The following PDCD6IP variants were observed in gnomAD, a reference collection of about 807,000 sequenced individuals.
The protein encoded by PDCD6IP is programmed cell death 6 interacting protein, also known as programmed cell death 6-interacting protein.
PDCD6IP carries 43 observed loss-of-function variants against 103.7 expected under a neutral mutation model. The observed-to-expected ratio is 0.41, with a 90% CI of 0.32 to 0.53. The LOEUF (loss-of-function observed/expected upper bound fraction) is 0.53. Among genes scored for constraint, PDCD6IP ranks in the 20% least tolerant of loss-of-function variants. PDCD6IP has a pLI of 0.16. For missense variants in PDCD6IP, 871 were observed against 1,036.7 expected (o/e 0.84, Z 2.20); for synonymous variants, 354 against 378.7 (o/e 0.93, Z 0.76).
intron 1 of PDCD6IP, among the ~76,000 whole-genome samples, chr3:33,809,210 A>C (rs2125544490): frequency 6.6e-6 from 1 of 152,230 alleles, no homozygotes; most frequent in East Asian, 1.9e-4. Context: ...TCCCCTCTAA[A>C]AGCTTCACAA....
chr3:33,831,782 A>ACG (rs397973195), intron 7 of PDCD6IP, among the ~76,000 whole-genome samples: 1 of 151,930 alleles, frequency 6.6e-6, no homozygotes, highest in East Asian at 1.9e-4. Flanking sequence ...ACACACACAC[A>ACG]TTGCACATTC....
chr3:33,857,538 T>G (rs1359989139), intron 15 of PDCD6IP, among the ~76,000 whole-genome samples: 1 of 152,184 alleles, frequency 6.6e-6, no homozygotes. Context: ...ACAGACCAGT[T>G]TCAGTTATGA....
intron 5 of PDCD6IP, 105 bp from the exon 6 acceptor site, chr3:33,826,375 G>C (rs1697123716): frequency 7.1e-6 from 5 of 708,200 alleles, no homozygotes; most frequent in Non-Finnish European, 1.1e-5. Context: ...CATCAAGAAA[G>C]ATGTTTTCAG....
At chr3:33,865,187 A>G in intron 16 of PDCD6IP, 56 bp from the exon 17 acceptor site, 20 of 1,223,216 alleles carry the variant, frequency 1.6e-5, no homozygotes, top group Admixed American at 2.9e-5. Flanking sequence ...TTTAATTAAT[A>G]GCAATTTGAG....
At chr3:33,807,035 A>G (rs1696614165) in intron 1 of PDCD6IP, among the ~76,000 whole-genome samples, 1 of 152,210 alleles carries the variant, frequency 6.6e-6, no homozygotes, top group South Asian at 2.1e-4. Context: ...TTTTACTTTG[A>G]GGGTTTCATC....
At chr3:33,863,893 A>G in intron 15 of PDCD6IP, 113 bp from the exon 16 acceptor site, 1 of 709,064 alleles carries the variant, frequency 1.4e-6, no homozygotes, top group South Asian at 1.8e-5. Context: ...AAATACCATC[A>G]TTGTTTGGAA....
intron 1 of PDCD6IP, among the ~76,000 whole-genome samples, chr3:33,802,403 T>A (rs992657923): frequency 6.6e-6 from 1 of 152,184 alleles, no homozygotes; most frequent in African/African-American, 2.4e-5. Flanking sequence ...CTGATAATGA[T>A]GTAGTCAATT....
chr3:33,864,539 C>G (rs1434512242), intron 16 of PDCD6IP, among the ~76,000 whole-genome samples: 1 of 152,032 alleles, frequency 6.6e-6, no homozygotes, highest in Non-Finnish European at 1.5e-5. Context: ...TCCTTATAAT[C>G]AAATGCAGTA....
intron 7 of PDCD6IP, among the ~76,000 whole-genome samples, chr3:33,831,730 T>A (rs1697249072): frequency 6.6e-6 from 1 of 151,562 alleles, no homozygotes; most frequent in South Asian, 2.1e-4. Context: ...TTTTTTTTCT[T>A]TCTTTGAAAT....
intron 4 of PDCD6IP, among the ~76,000 whole-genome samples, chr3:33,823,480 A>C (rs1437807858): frequency 6.6e-6 from 1 of 152,204 alleles, no homozygotes; most frequent in African/African-American, 2.4e-5. Context: ...ATACATGGCA[A>C]ATATTTTAAA....
At chr3:33,855,597 G>A (rs1044468092) in intron 15 of PDCD6IP, among the ~76,000 whole-genome samples, 1 of 152,170 alleles carries the variant, frequency 6.6e-6, no homozygotes, top group Non-Finnish European at 1.5e-5. Flanking sequence ...TAGAGCTATA[G>A]AACATGGAGG....
intron 2 of PDCD6IP, 54 bp downstream of exon 2, chr3:33,812,180 T>A (rs1696734160): frequency 9.0e-6 from 14 of 1,561,304 alleles, no homozygotes; most frequent in Non-Finnish European, 1.2e-5. Context: ...CATTTCCTTC[T>A]GCCAATATCT....
chr3:33,842,285 A>G (rs1697493719), intron 10 of PDCD6IP, among the ~76,000 whole-genome samples: 1 of 152,184 alleles, frequency 6.6e-6, no homozygotes, highest in African/African-American at 2.4e-5. Flanking sequence ...AGGGTAAGTA[A>G]GTACACACTA....
chr3:33,814,845 AT>A (rs1559775295), intron 3 of PDCD6IP, among the ~76,000 whole-genome samples: 3 of 127,658 alleles, frequency 2.4e-5, no homozygotes, highest in Non-Finnish European at 3.3e-5. Context: ...ATATGCATGT[AT>A]TATTCATATA....
chr3:33,841,982 T>A lies in PDCD6IP; in HGVS notation c.1267T>A (p.Ser423Thr). Residue 423 changes from serine (S) to threonine (T), a missense_variant, in exon 10 of 18, where the codon TCT (serine) becomes ACT (threonine). Ser to Thr is a moderately conservative substitution (Grantham distance 58). Coordinates refer to ENST00000307296, the MANE Select transcript of PDCD6IP (RefSeq NM_013374.6). Reference sequence around the variant, plus strand: ...TCAGTCTATATTGACTAAATCCAGATCTGTGATTGAACAGGGAGGCATCCA... The same window carrying A: ...TCAGTCTATATTGACTAAATCCAGAACTGTGATTGAACAGGGAGGCATCCA... ...VPQSILTKSRSVIEQGGIQTV... is the reference protein window; with the variant it reads ...VPQSILTKSRTVIEQGGIQTV... The A allele has an allele frequency of 6.3e-7, 1 of 1,595,812 alleles. No homozygotes were observed. Among genetic ancestry groups the A allele is most frequent in the Non-Finnish European group, 8.6e-7 (1 of 1,163,336 alleles).
chr3:33,841,226 C>T (rs1485579948), intron 9 of PDCD6IP, among the ~76,000 whole-genome samples: 1 of 151,758 alleles, frequency 6.6e-6, no homozygotes, highest in Non-Finnish European at 1.5e-5. Context: ...TGGGGTTTCA[C>T]CATGTTGGCC....
rs766639769 is a variant in PDCD6IP at position 33,813,619 on chromosome 3, G to A, written c.325G>A (p.Val109Ile). ...FDKGSLFGGS[V>I]KLALASLGYE... ...TAAAGGTTCACTTTTTGGAGGCTCT[G>A]TAAAACTGGGTATGTAATTTTTAAT... Residue 109 changes from valine to isoleucine, a missense_variant, in exon 3 of 18, where the codon GTA (valine) becomes ATA (isoleucine). Coordinates refer to ENST00000307296, the MANE Select transcript of PDCD6IP (RefSeq NM_013374.6). 8 of 1,576,746 alleles carry A rather than the reference G, an allele frequency of 5.1e-6. No homozygotes were observed. The highest frequency in any genetic ancestry group is 1.1e-5 in the South Asian group (1 of 89,684).
intron 3 of PDCD6IP, among the ~76,000 whole-genome samples, chr3:33,814,257 ATTC>A (rs1696782594): frequency 6.7e-6 from 1 of 148,456 alleles, no homozygotes; most frequent in African/African-American, 2.5e-5. Context: ...TGATTCTCCT[ATTC>A]TTCTACCTCA....
At chr3:33,859,507 A>T (rs1455987506) in intron 15 of PDCD6IP, among the ~76,000 whole-genome samples, 6 of 152,212 alleles carry the variant, frequency 3.9e-5, no homozygotes, top group Admixed American at 3.9e-4. Flanking sequence ...AAGAAAACCC[A>T]ATAGAAAACT....
Sources: gnomAD v4.1 joint callset for allele counts (sites outside exome capture counted in the v4.1 genomes callset) on GRCh38, gnomAD v4.1.1 for gene constraint, MANE v1.5 for transcripts, NCBI Gene and HGNC (gene_info 2026-07-23, HGNC 2026-07-21) for gene names.